The following KIF4A variants were observed in gnomAD, a reference collection of about 807,000 sequenced individuals.
KIF4A encodes kinesin family member 4A.
A neutral mutation model predicts 105.9 loss-of-function variants in KIF4A; 7 were observed. That is an observed-to-expected ratio of 0.07 (90% CI 0.04 to 0.12). The LOEUF is 0.12. Among genes scored for constraint, KIF4A ranks in the 10% least tolerant of loss-of-function variants. The pLI is 1.00. For missense variants in KIF4A, 558 were observed against 929.2 expected, an observed-to-expected ratio of 0.60 and a Z score of 5.19; for synonymous variants, 281 against 331.3, an observed-to-expected ratio of 0.85 and a Z score of 1.65.
At position 70,385,524 on chromosome X, in the gene KIF4A, G is replaced by A. The variant is rs370247401; in HGVS notation, c.2035-1094G>A. Among the ~76,000 whole-genome samples, 146 of 112,236 alleles carry A rather than the reference G, an allele frequency of 1.3e-3. 2 individuals are homozygous for A. Among genetic ancestry groups the A allele is most frequent in the Middle Eastern group, 4.6e-3 (1 of 218 alleles). On this transcript the variant is annotated intron_variant, in intron 18 of 30. Coordinates refer to ENST00000374403, the MANE Select transcript of KIF4A (RefSeq NM_012310.5). ...TTTGTATTCTCTGGTAATCTCTGTAGGAGTAGTAACCATGTCATGTTTATC... is the reference window on the plus strand; with the variant it reads ...TTTGTATTCTCTGGTAATCTCTGTAAGAGTAGTAACCATGTCATGTTTATC...
intron 15 of KIF4A, among the ~76,000 whole-genome samples, chrX:70,361,785 G>T (rs2086076727): frequency 8.9e-6 from 1 of 112,222 alleles, no homozygotes; most frequent in African/African-American, 3.2e-5. Flanking sequence ...GGCTGGTCCT[G>T]CAGTGACCAT....
chrX:70,387,377 T>G (rs1256828601), intron 20 of KIF4A, 80 bp downstream of exon 20: 6 of 737,490 alleles, frequency 8.1e-6, no homozygotes, highest in Non-Finnish European at 1.2e-5. Context: ...TTTTTTTCCT[T>G]TTTTTAGAAG....
chrX:70,335,898 C>T (rs1242721345), intron 10 of KIF4A, among the ~76,000 whole-genome samples: 5 of 111,711 alleles, frequency 4.5e-5, no homozygotes, highest in Non-Finnish European at 9.4e-5. Context: ...GTCATTCCCT[C>T]TCCATCCCTG....
At chrX:70,292,669 G>A (rs2085765619) in intron 3 of KIF4A, among the ~76,000 whole-genome samples, 1 of 111,913 alleles carries the variant, frequency 8.9e-6, no homozygotes, top group African/African-American at 3.3e-5. Flanking sequence ...ACCGTTAAGT[G>A]TTTCTACCTA....
chrX:70,293,365 A>G (rs2085768454), intron 3 of KIF4A, among the ~76,000 whole-genome samples: 1 of 112,512 alleles, frequency 8.9e-6, no homozygotes, highest in Non-Finnish European at 1.9e-5. Context: ...CATGTCTGCC[A>G]CACTAATAAG....
intron 7 of KIF4A, among the ~76,000 whole-genome samples, chrX:70,312,167 C>T (rs1343826377): frequency 1.3e-5 from 1 of 79,725 alleles, no homozygotes; most frequent in African/African-American, 4.7e-5. Flanking sequence ...TTTTTTAAGA[C>T]GGAGTGTCAC....
intron 7 of KIF4A, among the ~76,000 whole-genome samples, chrX:70,323,455 C>T (rs994713137): frequency 9.0e-6 from 1 of 111,413 alleles, no homozygotes; most frequent in African/African-American, 3.3e-5. Flanking sequence ...GTTCTTTCTC[C>T]CTTTTGGTCT....
chrX:70,400,809 C>A (rs5980925), intron 22 of KIF4A, among the ~76,000 whole-genome samples: 1,811 of 110,418 alleles, frequency 0.016, 37 homozygotes, highest in African/African-American at 0.056. Flanking sequence ...ACTCTGTCAC[C>A]CAAGCTGGAG....
intron 7 of KIF4A, among the ~76,000 whole-genome samples, chrX:70,324,665 A>T (rs191425798): frequency 1.9e-4 from 21 of 111,760 alleles, no homozygotes; most frequent in African/African-American, 6.5e-4. Context: ...TGCACATTTT[A>T]AAAATTATGC....
chrX:70,304,947 C>G, intron 7 of KIF4A, among the ~76,000 whole-genome samples: 1 of 111,438 alleles, frequency 9.0e-6, no homozygotes, highest in Non-Finnish European at 1.9e-5. Flanking sequence ...CAGGTGTGAG[C>G]CACCATACCC....
At chrX:70,415,275 G>A (rs1035779004) in intron 28 of KIF4A, 2 of 243,178 alleles carry the variant, frequency 8.2e-6, no homozygotes, top group South Asian at 8.3e-5. Context: ...GTTTAGAAAC[G>A]TGTAAGACAA....
intron 7 of KIF4A, among the ~76,000 whole-genome samples, chrX:70,305,613 G>A (rs1190019830): frequency 8.9e-6 from 1 of 112,082 alleles, no homozygotes; most frequent in Non-Finnish European, 1.9e-5. Flanking sequence ...GGACATTTGG[G>A]TTGTTTTCAT....
At chrX:70,321,818 A>C (rs2085891397) in intron 7 of KIF4A, among the ~76,000 whole-genome samples, 1 of 111,087 alleles carries the variant, frequency 9.0e-6, no homozygotes, top group Non-Finnish European at 1.9e-5. Context: ...AAGTCAACTC[A>C]TGACCTGAAC....
chrX:70,377,324 G>A (rs1471558230), intron 18 of KIF4A, among the ~76,000 whole-genome samples: 5 of 111,009 alleles, frequency 4.5e-5, no homozygotes, highest in African/African-American at 6.6e-5. Flanking sequence ...CTCTCACCTC[G>A]GCCTGCTAAA....
intron 7 of KIF4A, among the ~76,000 whole-genome samples, chrX:70,304,649 CTT>C (rs138222376): frequency 1.9e-3 from 99 of 51,539 alleles, no homozygotes; most frequent in Middle Eastern, 0.022. Flanking sequence ...TACTTCATTC[CTT>C]TTTTTTTTTT....
chrX:70,319,212 G>A (rs994055571), intron 7 of KIF4A, among the ~76,000 whole-genome samples: 15 of 111,493 alleles, frequency 1.3e-4, no homozygotes, highest in African/African-American at 3.6e-4. Flanking sequence ...GCATTGAGCC[G>A]GGATTGCACC....
chrX:70,390,104 C>T (rs1485568844), intron 20 of KIF4A, among the ~76,000 whole-genome samples: 6 of 111,864 alleles, frequency 5.4e-5, no homozygotes, highest in Non-Finnish European at 9.4e-5. Flanking sequence ...CTGAGTATTT[C>T]ATATTTTTAT....
At position 70,341,916 on chromosome X, in the gene KIF4A, G is replaced by A. The variant is rs752391691; in HGVS notation, c.1251G>A (p.Leu417=). ...CAGCTGGTCAGACAGCCCAGATGTT[G>A]GAGAGGATCATTTTGGTAAGCCCCC... ...SEAAGQTAQM[L]ERIILTEQAN... The change falls in exon 11 of 31, where the codon TTG becomes TTA. Residue 417 remains leucine (L), a synonymous_variant. Coordinates refer to ENST00000374403, the MANE Select transcript of KIF4A (RefSeq NM_012310.5). 3.2e-5 allele frequency: 39 copies of A among 1,206,872 alleles called. No individual in the cohort carries two copies. The South Asian group carries it at 5.8e-4, about 18-fold the overall frequency.
Position 70,387,240 on chromosome X carries a change from A to G in KIF4A, c.2175A>G (p.Ala725=), listed in dbSNP as rs758797772. ...KDALQKQREV[A]DKRKETQSRG... ...CTCTCCAGAAACAACGGGAGGTTGC[A>G]GATAAGCGGAAAGAGACTCAGAGCC... The change falls in exon 20 of 31, where the codon GCA becomes GCG. Residue 725 remains alanine (A), a synonymous_variant. Transcript: ENST00000374403. The G allele has an allele frequency of 2.5e-6, 3 of 1,189,206 alleles. No individual in the cohort carries two copies. Among genetic ancestry groups the G allele is most frequent in the Non-Finnish European group, 3.4e-6 (3 of 884,797 alleles).
Sources: gnomAD v4.1 joint callset for allele counts (sites outside exome capture counted in the v4.1 genomes callset) on GRCh38, gnomAD v4.1.1 for gene constraint, MANE v1.5 for transcripts, NCBI Gene and HGNC (gene_info 2026-07-23, HGNC 2026-07-21) for gene names.